Variants in AFAP1 observed in about 807,000 individuals in gnomAD.
AFAP1 encodes actin filament associated protein 1.
Under a neutral mutation model 93.9 loss-of-function variants are expected in AFAP1, and 75 were observed. The observed-to-expected ratio is 0.80, with a 90% confidence interval of 0.66 to 0.97. The LOEUF (loss-of-function observed/expected upper bound fraction) is 0.97, where lower values mean the gene tolerates loss of function less well. AFAP1 is among the 50% of genes least tolerant of loss of function. The pLI is 0.00. For synonymous variants in AFAP1, 517 were observed against 430.7 expected (o/e 1.20, Z -2.48); for missense variants, 1,201 against 1,050.8 (o/e 1.14, Z -1.98).
In AFAP1 at chr4:7,795,405, C is replaced by CTTTTT. The variant is rs35550085; in HGVS notation, c.1267-1584_1267-1580dup. ...TCTTATGTCCTTCCTAAAACAAAAT[C>CTTTTT]TTTTTTTTTTTTTTTTTTTTTTTTT... is the stretch of plus-strand genomic sequence containing the variant. On this transcript the variant is annotated intron_variant, in intron 10 of 17. Coordinates refer to ENST00000420658, the MANE Select transcript of AFAP1 (RefSeq NM_001134647.2). Among the ~76,000 whole-genome samples the CTTTTT allele has an allele frequency of 8.1e-5, 5 of 62,100 alleles. 1 individual carries two copies. Among genetic ancestry groups the CTTTTT allele is most frequent in the East Asian group, 3.7e-4 (1 of 2,672 alleles). The allele number at this position is 62,100 out of a possible 152,430, so 40.7% of individuals were successfully genotyped here.
intron 1 of AFAP1, among the ~76,000 whole-genome samples, chr4:7,901,087 T>A (rs1406122299): frequency 6.6e-6 from 1 of 152,178 alleles, no homozygotes; most frequent in East Asian, 1.9e-4. Flanking sequence ...ACAGCAAGAG[T>A]ACATTTCTGT....
rs4689871 is a variant in AFAP1, at chr4:7,810,159, G to A, written c.905-396C>T. Among the ~76,000 whole-genome samples, 1,071 of 152,310 alleles carry A rather than the reference G, an allele frequency of 7.0e-3. 42 individuals carry two copies. The highest frequency in any genetic ancestry group is 0.062 in the Admixed American group (944 of 15,296). ...ATTACAGGTGTGAGCCACCGTGCCC[G>A]GCCTTTCCCTCAACTTTTACTTAAT... On this transcript the variant is annotated intron_variant, in intron 8 of 17. Coordinates refer to ENST00000420658, the MANE Select transcript of AFAP1 (RefSeq NM_001134647.2).
intron 9 of AFAP1, among the ~76,000 whole-genome samples, chr4:7,801,004 G>C (rs1158624523): frequency 1.3e-5 from 2 of 152,198 alleles, no homozygotes; most frequent in Admixed American, 1.3e-4. Context: ...CCAGGATGGG[G>C]GCACGACAGC....
chr4:7,884,932 T>C (rs1359687783), intron 1 of AFAP1, among the ~76,000 whole-genome samples: 1 of 152,196 alleles, frequency 6.6e-6, no homozygotes, highest in Non-Finnish European at 1.5e-5. Context: ...GTGCATTCCC[T>C]AAACTTCTTG....
intron 9 of AFAP1, 130 bp from the exon 10 acceptor site, chr4:7,800,783 A>G (rs1392526596): frequency 1.1e-6 from 1 of 899,828 alleles, no homozygotes; most frequent in East Asian, 2.6e-5. Flanking sequence ...CGATCGATCA[A>G]GCTTTAAATG....
intron 13 of AFAP1, among the ~76,000 whole-genome samples, chr4:7,780,184 G>A (rs969276012): frequency 2.6e-5 from 4 of 152,276 alleles, no homozygotes; most frequent in African/African-American, 7.2e-5. Context: ...AGAGGCCAAC[G>A]GCTCCCCTAC....
In AFAP1 at chr4:7,868,663, G is replaced by A. The variant is rs1183026676; in HGVS notation, c.184C>T (p.Pro62Ser). The change falls in exon 3 of 18, where the codon CCT (proline) becomes TCT (serine). Residue 62 changes from proline to serine, a missense_variant. Physicochemically the swap from Pro to Ser is moderately conservative, Grantham distance 74 (BLOSUM62 -1). Coordinates refer to ENST00000420658, the MANE Select transcript of AFAP1 (RefSeq NM_001134647.2). ...ATCTCCGGCAGGGGCATCTGAGGAG[G>A]GGCTGGCAGGCTGTTAGCGGTCTCC... ...KQETANSLPA[P>S]PQMPLPEIPQ... is the part of the protein sequence containing the mutation. 6.2e-7 allele frequency: 1 copy of A among 1,613,194 alleles called. No individual in the cohort carries two copies. Among genetic ancestry groups the A allele is most frequent in the Non-Finnish European group, 8.5e-7 (1 of 1,179,960 alleles).
intron 3 of AFAP1, among the ~76,000 whole-genome samples, chr4:7,864,791 TCTCTGA>T (rs1716220707): frequency 6.6e-6 from 1 of 152,208 alleles, no homozygotes; most frequent in Non-Finnish European, 1.5e-5. Flanking sequence ...AGTTGATGAT[TCTCTGA>T]GATGCTTTAG....
chr4:7,803,167 G>T (rs1392114926), intron 9 of AFAP1, among the ~76,000 whole-genome samples: 2 of 152,148 alleles, frequency 1.3e-5, no homozygotes, highest in Non-Finnish European at 2.9e-5. Flanking sequence ...AAATGTAATG[G>T]TGTATCTGAA....
intron 1 of AFAP1, among the ~76,000 whole-genome samples, chr4:7,887,831 A>ATTT (rs34450871): frequency 1.3e-5 from 2 of 148,490 alleles, no homozygotes; most frequent in South Asian, 2.1e-4. Context: ...ATAAAGAACA[A>ATTT]TTTTTTTTTT....
chr4:7,889,601 ATTCT>A (rs1372153882), intron 1 of AFAP1, among the ~76,000 whole-genome samples: 1 of 150,738 alleles, frequency 6.6e-6, no homozygotes, highest in Non-Finnish European at 1.5e-5. Context: ...AGTTTTTCAT[ATTCT>A]TTATCTCACT....
intron 16 of AFAP1, 44 bp from the exon 17 acceptor site, chr4:7,769,052 C>A: frequency 6.5e-7 from 1 of 1,536,988 alleles, no homozygotes. Context: ...GGTTTCTGGG[C>A]CACTGGTATT....
At chr4:7,838,121 G>C (rs1213545583) in intron 6 of AFAP1, among the ~76,000 whole-genome samples, 1 of 152,136 alleles carries the variant, frequency 6.6e-6, no homozygotes, top group African/African-American at 2.4e-5. Context: ...AGGAGAAATG[G>C]GGAAAAGCTG....
intron 6 of AFAP1, among the ~76,000 whole-genome samples, chr4:7,821,541 C>CAT (rs1560180056): frequency 9.2e-5 from 14 of 152,294 alleles, no homozygotes; most frequent in Non-Finnish European, 1.5e-4. Flanking sequence ...TCACGGGGGA[C>CAT]GTGCAGCAAA....
At position 7,838,618 on chromosome 4, in the gene AFAP1, T is replaced by G. The variant is rs773229732; in HGVS notation, c.632A>C (p.Lys211Thr). Residue 211 changes from lysine to threonine, a missense_variant, in exon 6 of 18, where the codon AAA (lysine) becomes ACA (threonine). By Grantham distance (78) the Lys-to-Thr change is moderately conservative. Transcript: ENST00000420658. ...AATCTTCAGCTCGTGCTTCTTCTTT[T>G]TGCTGTCTTTCGGGATGTACGTAAT... is the stretch of plus-strand genomic sequence containing the variant. ...CNITYIPKDS[K>T]KKKHELKITQ... 2 of 1,614,174 alleles carry G rather than the reference T, an allele frequency of 1.2e-6. No individual in the cohort carries two copies. Among genetic ancestry groups the G allele is most frequent in the East Asian group, 4.5e-5 (2 of 44,884 alleles).
At chr4:7,892,062 G>GA (rs1041012978) in intron 1 of AFAP1, among the ~76,000 whole-genome samples, 4 of 151,102 alleles carry the variant, frequency 2.6e-5, no homozygotes, top group Admixed American at 6.6e-5. Context: ...CTCAAAAAAA[G>GA]AAAAAAAAGA....
chr4:7,884,342 C>G (rs1449417265), intron 1 of AFAP1, among the ~76,000 whole-genome samples: 1 of 152,098 alleles, frequency 6.6e-6, no homozygotes, highest in Non-Finnish European at 1.5e-5. Flanking sequence ...CGTATATCAA[C>G]AAATTTTGTT....
intron 6 of AFAP1, among the ~76,000 whole-genome samples, chr4:7,832,838 T>C (rs1001482802): frequency 1.3e-5 from 2 of 152,090 alleles, no homozygotes; most frequent in African/African-American, 2.4e-5. Context: ...GGGAACAGAA[T>C]AGAGAACCCA....
chr4:7,871,811 C>A (rs993903765), intron 2 of AFAP1, 141 bp downstream of exon 2: 47 of 1,203,078 alleles, frequency 3.9e-5, no homozygotes, highest in Non-Finnish European at 4.7e-5. Context: ...CAAGTGTAAA[C>A]CCTCAATGAA....
Sources: gnomAD v4.1 joint callset for allele counts (sites outside exome capture counted in the v4.1 genomes callset) on GRCh38, gnomAD v4.1.1 for gene constraint, MANE v1.5 for transcripts, NCBI Gene and HGNC (gene_info 2026-07-23, HGNC 2026-07-21) for gene names.